SNRPD3: variants seen among roughly 807,000 people sequenced by gnomAD.
SNRPD3 encodes the protein small nuclear ribonucleoprotein Sm D3.
For synonymous variants in SNRPD3, 66 were observed against 58.4 expected (o/e 1.13, Z -0.59); for missense variants, 73 against 167.5 (o/e 0.44, Z 3.11).
intron 2 of SNRPD3, among the ~76,000 whole-genome samples, chr22:24,561,420 G>A (rs1672546359): frequency 6.6e-6 from 1 of 152,030 alleles, no homozygotes; most frequent in African/African-American, 2.4e-5. Flanking sequence ...TGAGGTGCTG[G>A]GTATTAGGAC....
chr22:24,568,999 G>A (rs75000121), intron 3 of SNRPD3, among the ~76,000 whole-genome samples: 3,017 of 152,238 alleles, frequency 0.02, 104 homozygotes, highest in African/African-American at 0.069. Flanking sequence ...GTGAGCCACC[G>A]CACCTGGAGA....
Position 24,563,292 on chromosome 22 carries a change from GTATA to G in SNRPD3, c.127-4680_127-4677del, listed in dbSNP as rs3037943. On this transcript the variant is annotated intron_variant, in intron 2 of 3. Coordinates refer to ENST00000215829, the MANE Select transcript of SNRPD3 (RefSeq NM_004175.5). ...TATGTATATATATGTGTGTGTGTGT[GTATA>G]TATATATATATTTTTTTTTTTAAAG... is the stretch of plus-strand genomic sequence containing the variant. Among the ~76,000 whole-genome samples the G allele has an allele frequency of 6.1e-4, 76 of 124,250 alleles. 1 individual carries two copies. Among genetic ancestry groups the G allele is most frequent in the African/African-American group, 2.5e-3 (67 of 27,206 alleles). 81.5% of individuals were successfully genotyped at this position (124,250 alleles called of 152,430 possible).
chr22:24,562,658 A>G (rs955587914), intron 2 of SNRPD3, among the ~76,000 whole-genome samples: 99 of 151,814 alleles, frequency 6.5e-4, no homozygotes, highest in African/African-American at 2.2e-3. Flanking sequence ...AGGCTGCATT[A>G]AGCTCTGGTC....
intron 1 of SNRPD3, among the ~76,000 whole-genome samples, chr22:24,556,783 A>C (rs1158914272): frequency 6.6e-6 from 1 of 152,254 alleles, no homozygotes; most frequent in Non-Finnish European, 1.5e-5. Flanking sequence ...TCCTCACCAA[A>C]GGAGCCTGTC....
At position 24,557,663 on chromosome 22, in the gene SNRPD3, C is replaced by G. The variant is rs547618697; in HGVS notation, c.-12C>G. 2 of 1,611,590 alleles carry G rather than the reference C, an allele frequency of 1.2e-6. No homozygotes were observed. Among genetic ancestry groups the G allele is most frequent in the African/African-American group, 1.3e-5 (1 of 74,966 alleles). On this transcript the variant is annotated 5_prime_UTR_variant, in exon 2 of 4. Transcript: ENST00000215829. ...GTTGTCTCTCTCATTGTAGAACTCT[C>G]TTCCTGCCAAGATGTCTATTGGTGT...
In SNRPD3 at chr22:24,574,053, G is replaced by A. The variant is rs140538486; in HGVS notation, c.*2076G>A. Among the ~76,000 whole-genome samples, 4 of 152,252 alleles carry A rather than the reference G, an allele frequency of 2.6e-5. No individual in the cohort carries two copies. Among genetic ancestry groups the A allele is most frequent in the Non-Finnish European group, 5.9e-5 (4 of 68,030 alleles). ...TTCTATCTTAAGTAGACCTAAAGCC[G>A]TATTTTGACCCTGTACTAGTATGTT... On this transcript the variant is annotated 3_prime_UTR_variant, in exon 4 of 4. Coordinates refer to ENST00000215829, the MANE Select transcript of SNRPD3 (RefSeq NM_004175.5).
intron 2 of SNRPD3, among the ~76,000 whole-genome samples, chr22:24,562,148 C>T (rs17574411): frequency 0.055 from 8,330 of 152,352 alleles, 320 homozygotes; most frequent in Middle Eastern, 0.099. Context: ...CTAAGCCACA[C>T]CTGCCCTGTT....
At position 24,568,063 on chromosome 22, in the gene SNRPD3, G is replaced by A. The variant is rs779475063; in HGVS notation, c.206G>A (p.Arg69His). The A allele has an allele frequency of 5.6e-6, 9 of 1,613,726 alleles. No individual in the cohort carries two copies. Among genetic ancestry groups the A allele is most frequent in the South Asian group, 3.3e-5 (3 of 91,036 alleles). The change falls in exon 3 of 4, where the codon CGC becomes CAC. Residue 69 changes from arginine (R) to histidine (H), a missense_variant. By Grantham distance (29) the Arg-to-His change is conservative. Coordinates refer to ENST00000215829, the MANE Select transcript of SNRPD3 (RefSeq NM_004175.5). ...EQVYIRGSKI[R>H]FLILPDMLKN... The stretch of plus-strand genomic sequence containing the variant: ...GTATACATCCGTGGCAGCAAAATCC[G>A]CTTTCTGATTTTGCCTGACATGCTG...
rs750305886 is a variant in SNRPD3 at position 24,572,016 on chromosome 22, A to G, written c.*39A>G. 6.8e-6 allele frequency: 11 copies of G among 1,611,572 alleles called. No individual in the cohort carries two copies. Among genetic ancestry groups the G allele is most frequent in the Non-Finnish European group, 9.3e-6 (11 of 1,178,564 alleles). On this transcript the variant is annotated 3_prime_UTR_variant, in exon 4 of 4. Coordinates refer to ENST00000215829, the MANE Select transcript of SNRPD3 (RefSeq NM_004175.5). ...ACAGAACTTTGTCCTTTTTTCTTTCAGGTTATCTGAGTTCATTGGAGTGGG... is the reference window on the plus strand; with the variant it reads ...ACAGAACTTTGTCCTTTTTTCTTTCGGGTTATCTGAGTTCATTGGAGTGGG...
intron 1 of SNRPD3, among the ~76,000 whole-genome samples, chr22:24,556,664 A>G (rs190887571): frequency 6.6e-6 from 1 of 152,348 alleles, no homozygotes; most frequent in East Asian, 1.9e-4. Context: ...TCCATTTTGT[A>G]AATAAATGCT....
chr22:24,560,400 A>T (rs1475201095), intron 2 of SNRPD3, among the ~76,000 whole-genome samples: 4 of 134,758 alleles, frequency 3.0e-5, no homozygotes, highest in African/African-American at 1.1e-4. Flanking sequence ...GGGATTACAG[A>T]TGTGAGCCAC....
chr22:24,560,169 T>TCTTGCTCTGTCACCCAG (rs2045120245), intron 2 of SNRPD3, among the ~76,000 whole-genome samples: 1 of 148,110 alleles, frequency 6.8e-6, no homozygotes, highest in African/African-American at 2.5e-5. Context: ...CAGGCTGGAG[T>TCTTGCTCTGTCACCCAG]GCAGTGGCGC....
rs937729053 is a variant in SNRPD3 at position 24,573,913 on chromosome 22, A to G, written c.*1936A>G. ...AAACAAATGAAAGCAGTGGTTTTCA[A>G]CATCAACTAAGGATCTTATTAGAAA... On this transcript the variant is annotated 3_prime_UTR_variant, in exon 4 of 4. Transcript: ENST00000215829. Among the ~76,000 whole-genome samples, 4 of 152,216 alleles carry G rather than the reference A, an allele frequency of 2.6e-5. No homozygotes were observed. Among genetic ancestry groups the G allele is most frequent in the African/African-American group, 9.7e-5 (4 of 41,446 alleles).
In SNRPD3 at chr22:24,556,732, T is replaced by A. The variant is rs55696550; in HGVS notation, c.-19+661T>A. On this transcript the variant is annotated intron_variant, in intron 1 of 3. Coordinates refer to ENST00000215829, the MANE Select transcript of SNRPD3 (RefSeq NM_004175.5). ...AATTCTGCAGTGGTTCTCCACTACC[T>A]TCAGCATAAAATCTAGACTCCTAAG... is the stretch of plus-strand genomic sequence containing the variant. Among the ~76,000 whole-genome samples the A allele has an allele frequency of 8.2e-3, 1,257 of 152,384 alleles. 8 individuals carry two copies. Among genetic ancestry groups the A allele is most frequent in the South Asian group, 0.018 (88 of 4,830 alleles).
upstream of SNRPD3, chr22:24,555,667 G>T: frequency 6.4e-7 from 1 of 1,550,670 alleles, no homozygotes; most frequent in Non-Finnish European, 8.7e-7. Flanking sequence ...CCTGGCCCTT[G>T]GCCCAACCTC....
chr22:24,560,805 G>A (rs1459369427), intron 2 of SNRPD3, among the ~76,000 whole-genome samples: 57 of 6,070 alleles, frequency 9.4e-3, no homozygotes, highest in African/African-American at 0.013. Context: ...TCAGCTCACT[G>A]CAAACCTCCG....
At chr22:24,569,020 T>G (rs1468508109) in intron 3 of SNRPD3, among the ~76,000 whole-genome samples, 1 of 152,148 alleles carries the variant, frequency 6.6e-6, no homozygotes, top group African/African-American at 2.4e-5. Flanking sequence ...GGCCCATCTT[T>G]TCTAGAAGTT....
intron 2 of SNRPD3, among the ~76,000 whole-genome samples, chr22:24,564,585 C>T (rs938193574): frequency 2.6e-5 from 4 of 152,178 alleles, no homozygotes; most frequent in East Asian, 1.9e-4. Flanking sequence ...ACAGGGAAAG[C>T]GAGAGCAGTA....
intron 3 of SNRPD3, among the ~76,000 whole-genome samples, chr22:24,569,512 A>G (rs1569027629): frequency 1.3e-5 from 2 of 152,222 alleles, no homozygotes; most frequent in Non-Finnish European, 2.9e-5. Flanking sequence ...ACAATCAACA[A>G]AGACTTCTGT....
Sources: allele counts gnomAD v4.1 joint callset (sites outside exome capture counted in the v4.1 genomes callset), GRCh38; gene constraint gnomAD v4.1.1; transcripts MANE v1.5; gene names NCBI Gene and HGNC (gene_info 2026-07-23, HGNC 2026-07-21).